The following PKD1L3 variants were observed in gnomAD, a reference collection of about 807,000 sequenced individuals.
PKD1L3 encodes polycystin-1-like protein 3.
A neutral mutation model predicts 184.1 loss-of-function variants in PKD1L3; 239 were observed. The ratio of observed to expected loss-of-function variants is 1.30; its 90% confidence interval spans 1.17 to 1.45. The LOEUF is 1.45. Ranked by LOEUF, PKD1L3 falls within the 40% of genes most tolerant of loss-of-function variation. The probability of loss-of-function intolerance (pLI) is 0.00; values close to 1 mark genes in which losing one functional copy is unlikely to be tolerated. For missense variants in PKD1L3, 2,660 were observed against 2,067.2 expected (o/e 1.29, Z -5.56); for synonymous variants, 996 against 778.8 (o/e 1.28, Z -4.64).
rs1216886399 is a variant in PKD1L3 at position 71,935,423 on chromosome 16, C to A, written c.4548G>T (p.Gly1516=). ...GTAGAGAAATACTCTTCATGTCAAG[C>A]CCCAGGAGGATGAAGCTAATGAGGA... ...SIILISFILL[G]LDMKSISLHK... is the part of the protein sequence containing the mutation. Residue 1516 remains glycine (G), a synonymous_variant, in exon 26 of 30, where the codon GGG becomes GGT. Transcript: ENST00000620267. 2 of 1,551,828 alleles carry A rather than the reference C, an allele frequency of 1.3e-6. No individual in the cohort carries two copies. The highest frequency in any genetic ancestry group is 1.2e-5 in the South Asian group (1 of 84,062).
chr16:71,993,467 C>T (rs988057356), intron 2 of PKD1L3, 135 bp from the exon 3 acceptor site: 1 of 607,958 alleles, frequency 1.6e-6, no homozygotes, highest in Non-Finnish European at 2.8e-6. Flanking sequence ...TTTTTAAGGA[C>T]ACTAAGAATT....
chr16:71,950,625 T>C (rs2038792139), intron 19 of PKD1L3, among the ~76,000 whole-genome samples: 1 of 152,114 alleles, frequency 6.6e-6, no homozygotes, highest in African/African-American at 2.4e-5. Flanking sequence ...ATCCATAAAT[T>C]CCATAATCTC....
chr16:71,973,739 C>T (rs923242298), intron 11 of PKD1L3, among the ~76,000 whole-genome samples: 5 of 152,122 alleles, frequency 3.3e-5, no homozygotes, highest in Non-Finnish European at 7.4e-5. Context: ...TGGTGACTCA[C>T]GCCTATAATC....
Position 71,950,136 on chromosome 16 carries a change from G to T in PKD1L3, c.3365C>A (p.Thr1122Lys), listed in dbSNP as rs375186706. ...GCATTACCTGGATGGCTCTTGCTCC[G>T]TGGGAAGAATATGTGTTTCCAAGAG... The part of the protein sequence containing the change: ...QELLETHILP[T>K]EQEPSREVTS... Residue 1122 changes from threonine to lysine, a missense_variant, in exon 20 of 30, where the codon ACG (threonine) becomes AAG (lysine). Physicochemically the swap from Thr to Lys is moderately conservative, Grantham distance 78 (BLOSUM62 -1). Coordinates refer to ENST00000620267, the MANE Select transcript of PKD1L3 (RefSeq NM_181536.2). 9.5e-5 allele frequency: 147 copies of T among 1,551,884 alleles called. No homozygotes were observed. The highest frequency in any genetic ancestry group is 1.2e-4 in the Non-Finnish European group (133 of 1,147,040).
chr16:71,975,329 G>A (rs1205186957), intron 11 of PKD1L3, among the ~76,000 whole-genome samples: 3 of 151,328 alleles, frequency 2.0e-5, no homozygotes, highest in Non-Finnish European at 2.9e-5. Context: ...AAGTGCTGGC[G>A]TTACAGGGGT....
At position 71,933,432 on chromosome 16, in the gene PKD1L3, A is replaced by G. The variant is rs1221986328; in HGVS notation, c.4914T>C (p.Ser1638=). The change falls in exon 28 of 30, where the codon TCT becomes TCC. Residue 1638 remains serine, a synonymous_variant. Coordinates refer to ENST00000620267, the MANE Select transcript of PKD1L3 (RefSeq NM_181536.2). ...TTATTATTTTTACCTCCTCTTGGTG[A>G]GAAATTCCCATCAGGAGACCAACAA... is the stretch of plus-strand genomic sequence containing the variant. The part of the protein sequence containing the change: ...VTVVGLLMGI[S]HQEEVFALDP... The G allele has an allele frequency of 6.5e-7, 1 of 1,544,864 alleles. No individual in the cohort carries two copies. Among genetic ancestry groups the G allele is most frequent in the Middle Eastern group, 1.7e-4 (1 of 5,980 alleles).
intron 2 of PKD1L3, among the ~76,000 whole-genome samples, chr16:71,997,724 G>C (rs2040840897): frequency 6.6e-6 from 1 of 151,038 alleles, no homozygotes; most frequent in African/African-American, 2.4e-5. Flanking sequence ...CTCCAGCCTG[G>C]GCAACAAGAG....
chr16:71,961,386 A>C (rs1443337141), intron 16 of PKD1L3, among the ~76,000 whole-genome samples: 4 of 152,022 alleles, frequency 2.6e-5, no homozygotes, highest in African/African-American at 9.7e-5. Context: ...GCCTCCCAAA[A>C]TGTTGGGATT....
At chr16:71,931,171 T>C (rs1353764896) in intron 28 of PKD1L3, 1 of 152,204 alleles carries the variant, frequency 6.6e-6, no homozygotes, top group Non-Finnish European at 1.5e-5. Context: ...AGTTCCTTTT[T>C]TATCCCCAAA....
intron 9 of PKD1L3, among the ~76,000 whole-genome samples, chr16:71,979,072 T>G (rs998519507): frequency 6.6e-6 from 1 of 152,204 alleles, no homozygotes; most frequent in African/African-American, 2.4e-5. Context: ...AGGTAACTGC[T>G]GAAAGGAATA....
chr16:71,973,566 A>G, intron 11 of PKD1L3, 49 bp from the exon 12 acceptor site: 1 of 1,435,690 alleles, frequency 7.0e-7, no homozygotes, highest in Non-Finnish European at 9.5e-7. Flanking sequence ...GAACAAAAAC[A>G]CCAATGAACC....
rs770202044 is a variant in PKD1L3, at chr16:71,954,284, A to G, written c.2630T>C (p.Met877Thr). ...LFSFRHLFSS[M>T]IVEKFTQDYL... is the part of the protein sequence containing the mutation. ...ATCCTGGGTGAACTTTTCCACAATC[A>G]TGGAGGAAAACAGATGTCTGAAAAG... Residue 877 changes from methionine (M) to threonine (T), a missense_variant, in exon 17 of 30, where the codon ATG becomes ACG. Coordinates refer to ENST00000620267, the MANE Select transcript of PKD1L3 (RefSeq NM_181536.2). 2.5e-5 allele frequency: 39 copies of G among 1,542,104 alleles called. 2 individuals carry two copies. Among genetic ancestry groups the G allele is most frequent in the South Asian group, 1.2e-4 (10 of 82,398 alleles).
At chr16:71,967,805 C>T in intron 14 of PKD1L3, 101 bp downstream of exon 14, 1 of 958,184 alleles carries the variant, frequency 1.0e-6, no homozygotes, top group Non-Finnish European at 1.6e-6. Flanking sequence ...AATCTCTAGT[C>T]TCTTTTAAAG....
chr16:71,995,848 C>T (rs1022804753), intron 2 of PKD1L3, among the ~76,000 whole-genome samples: 53 of 152,302 alleles, frequency 3.5e-4, no homozygotes, highest in African/African-American at 1.1e-3. Context: ...TTATATCTTA[C>T]TGCATTCTCA....
intron 16 of PKD1L3, among the ~76,000 whole-genome samples, chr16:71,962,352 T>C (rs746472550): frequency 6.6e-6 from 1 of 152,178 alleles, no homozygotes; most frequent in Non-Finnish European, 1.5e-5. Context: ...CTCCTAGGAA[T>C]ATTCTCATCT....
chr16:71,968,150 C>A (rs760652319), intron 13 of PKD1L3, 143 bp from the exon 14 acceptor site: 1 of 640,466 alleles, frequency 1.6e-6, no homozygotes, highest in Non-Finnish European at 2.7e-6. Context: ...GGGCAGCAGA[C>A]AGACACATGA....
Position 71,936,390 on chromosome 16 carries a change from A to G in PKD1L3, c.4453-872T>C, listed in dbSNP as rs964393839. 6.6e-5 allele frequency among the ~76,000 whole-genome samples: 10 copies of G among 151,454 alleles called. No individual in the cohort carries two copies. In the South Asian group the frequency reaches 2.1e-3, roughly 31 times the overall value. ...GCTGATTTTTGTATTTTTAGTAGAG[A>G]CAGGGTTTCGCCATGTTGGCCAGGC... On this transcript the variant is annotated intron_variant, in intron 25 of 29. Coordinates refer to ENST00000620267, the MANE Select transcript of PKD1L3 (RefSeq NM_181536.2).
Position 71,973,369 on chromosome 16 carries a change from G to C in PKD1L3, c.1908C>G (p.Tyr636Ter). The C allele has an allele frequency of 4.5e-6, 7 of 1,551,712 alleles. No homozygotes were observed. Among genetic ancestry groups the C allele is most frequent in the Non-Finnish European group, 6.1e-6 (7 of 1,147,016 alleles). ...ATGTCTGGTTGTGGATCTCCCAGTA[G>C]TAACACTGAGTGACGGCGGTGATGA... is the stretch of plus-strand genomic sequence containing the variant. Reference protein sequence around the residue: ...VSVITAVTQCYYWEIHNQTWS... With the variant: ...VSVITAVTQC The change falls in exon 12 of 30, where the codon TAC becomes TAG. Residue 636 changes from tyrosine to a stop codon, truncating the protein, a stop_gained. Coordinates refer to ENST00000620267, the MANE Select transcript of PKD1L3 (RefSeq NM_181536.2). LOFTEE classifies it high-confidence loss of function.
At chr16:71,987,867 G>T (rs142054239) in intron 4 of PKD1L3, among the ~76,000 whole-genome samples, 1 of 152,124 alleles carries the variant, frequency 6.6e-6, no homozygotes, top group African/African-American at 2.4e-5. Flanking sequence ...GTTAGTGACG[G>T]TATGTGAGGA....
Sources: gnomAD v4.1 joint callset for allele counts (sites outside exome capture counted in the v4.1 genomes callset) on GRCh38, gnomAD v4.1.1 for gene constraint, MANE v1.5 for transcripts, NCBI Gene and HGNC (gene_info 2026-07-23, HGNC 2026-07-21) for gene names.